C14orf93: variants seen among roughly 807,000 people sequenced by gnomAD.
The protein encoded by C14orf93 is chromosome 14 open reading frame 93, also known as uncharacterized protein C14orf93.
Under a neutral mutation model 44.0 loss-of-function variants are expected in C14orf93, and 23 were observed. The observed-to-expected ratio is 0.52, with a 90% CI of 0.38 to 0.74. The LOEUF (loss-of-function observed/expected upper bound fraction) is 0.74. Among genes scored for constraint, C14orf93 ranks in the 30% least tolerant of loss-of-function variants. C14orf93 has a pLI of 0.00. For synonymous variants in C14orf93, 253 were observed against 265.7 expected (o/e 0.95, Z 0.46); for missense variants, 579 against 678.9 (o/e 0.85, Z 1.64).
At chr14:22,999,811 G>C (rs955429082) in intron 1 of C14orf93, 1 of 152,186 alleles carries the variant, frequency 6.6e-6, no homozygotes, top group African/African-American at 2.4e-5. Flanking sequence ...CATCACTGCA[G>C]CCCTCAGCAT....
chr14:23,003,894 ATATATTTTTTTTTTT>A (rs2046473185), intron 1 of C14orf93, among the ~76,000 whole-genome samples: 3 of 12,140 alleles, frequency 2.5e-4, no homozygotes, highest in African/African-American at 5.1e-4. Context: ...ATATATATAT[ATATATTTTTTTTTTT>A]TTTTTTTTTT....
chr14:23,007,929 G>A (rs1419264492), intron 1 of C14orf93, among the ~76,000 whole-genome samples: 1 of 152,062 alleles, frequency 6.6e-6, no homozygotes, highest in Non-Finnish European at 1.5e-5. Flanking sequence ...GAGGCGGGCG[G>A]ATCACCTAAA....
At chr14:22,989,633 CA>C (rs1239843667) in intron 5 of C14orf93, 108 bp downstream of exon 5, 2 of 796,634 alleles carry the variant, frequency 2.5e-6, no homozygotes, top group Admixed American at 5.0e-5. Context: ...CCACTATTTT[CA>C]AAACCACCTA....
At position 22,995,863 on chromosome 14, in the gene C14orf93, T is replaced by A. The variant is rs1419309363; in HGVS notation, c.918+85A>T. 8 of 1,304,644 alleles carry A rather than the reference T, an allele frequency of 6.1e-6. No homozygotes were observed. The Admixed American group carries it at 1.9e-4, about 31-fold the overall frequency. 80.8% of individuals were successfully genotyped at this position (1,304,644 alleles called of 1,614,324 possible). A position where few individuals can be genotyped will look rare whatever the true frequency, so the allele number is the denominator to read the frequency against. ...GATTCAGTACAGCATTCATTCAATA[T>A]GGGAGGCCTAAAATCAACCCACCCA... On this transcript the variant is annotated intron_variant, in intron 3 of 6. Transcript: ENST00000299088.
Position 23,008,814 on chromosome 14 carries a change from A to C in C14orf93, c.-380+1287T>G, listed in dbSNP as rs189790547. ...TCTAAAAATGCAACATGATAACCAA[A>C]AGGCATTTCTTATCCCTTCTATTAT... On this transcript the variant is annotated intron_variant, in intron 1 of 6. Transcript: ENST00000299088. 1.7e-3 allele frequency among the ~76,000 whole-genome samples: 264 copies of C among 152,340 alleles called. 1 individual carries two copies. The highest frequency in any genetic ancestry group is 3.2e-3 in the Non-Finnish European group (220 of 68,036).
chr14:22,993,594 C>T (rs1315304751), intron 3 of C14orf93, among the ~76,000 whole-genome samples: 1 of 152,188 alleles, frequency 6.6e-6, no homozygotes, highest in East Asian at 1.9e-4. Flanking sequence ...AGTTACAAAG[C>T]TTCCAACTCA....
chr14:22,990,724 C>G (rs12436546), intron 3 of C14orf93, among the ~76,000 whole-genome samples: 21,940 of 152,016 alleles, frequency 0.14, 1,793 homozygotes, highest in Admixed American at 0.19. Context: ...CCGCCTTGAC[C>G]TTCCAAAGTG....
At chr14:23,005,047 C>G (rs896015674) in intron 1 of C14orf93, 2 of 151,906 alleles carry the variant, frequency 1.3e-5, no homozygotes, top group African/African-American at 4.8e-5. Context: ...TGAAATCATA[C>G]TGAGAAAGAG....
chr14:22,997,197 G>A (rs74770532), intron 2 of C14orf93, among the ~76,000 whole-genome samples: 1,679 of 152,274 alleles, frequency 0.011, 41 homozygotes, highest in African/African-American at 0.039. Flanking sequence ...CTGGAACCAC[G>A]GAGAGTCCTG....
chr14:23,009,525 G>A (rs1169562269), intron 1 of C14orf93, among the ~76,000 whole-genome samples: 1 of 152,172 alleles, frequency 6.6e-6, no homozygotes, highest in Non-Finnish European at 1.5e-5. Context: ...AAATGTGTGT[G>A]AAAGACACAC....
Position 22,995,981 on chromosome 14 carries a change from C to T in C14orf93, c.885G>A (p.Lys295=). ...SPCRTRGSGQ[K]NSRRKRDLVL... ...CAAGATCCCGCTTGCGCCTGGAGTT[C>T]TTCTGCCCACTTCCTCTGGTCCTGC... Residue 295 remains lysine (K), a synonymous_variant, in exon 3 of 7, where the codon AAG becomes AAA. Coordinates refer to ENST00000299088, the MANE Select transcript of C14orf93 (RefSeq NM_021944.4). 1 of 1,606,860 alleles carries T rather than the reference C, an allele frequency of 6.2e-7. No homozygotes were observed.
In C14orf93 at chr14:22,998,823, C is replaced by A. The variant is rs917355740; in HGVS notation, c.201G>T (p.Gln67His). ...SSEQLLHVIY[Q>H]RVDKAVGLAE... ...CCAAACCCACTGCCTTATCGACCCG[C>A]TGGTAGATAACATGCAGGAGCTGCT... The change falls in exon 2 of 7, where the codon CAG (glutamine) becomes CAT (histidine). Residue 67 changes from glutamine to histidine, a missense_variant. Gln to His is a conservative substitution (Grantham distance 24). Coordinates refer to ENST00000299088, the MANE Select transcript of C14orf93 (RefSeq NM_021944.4). The A allele has an allele frequency of 6.2e-7, 1 of 1,614,054 alleles. No individual in the cohort carries two copies. Among genetic ancestry groups the A allele is most frequent in the African/African-American group, 1.3e-5 (1 of 74,924 alleles).
intron 1 of C14orf93, among the ~76,000 whole-genome samples, chr14:23,003,377 T>A (rs747710613): frequency 3.3e-5 from 5 of 152,260 alleles, no homozygotes; most frequent in Non-Finnish European, 7.3e-5. Context: ...GATATTGGGA[T>A]CAGCAGGTAA....
At position 22,987,510 on chromosome 14, in the gene C14orf93, A is replaced by G. The variant is rs1299028266; in HGVS notation, c.1322T>C (p.Val441Ala). ...GGCCCGGAAACGGGGAGGGCGGGCC[A>G]CCCACACACCTGGCTCGTTAAGACT... The part of the protein sequence containing the change: ...EDSLNEPGVW[V>A]ARPPRFRAQR... Residue 441 changes from valine to alanine, a missense_variant, in exon 7 of 7, where the codon GTG becomes GCG. Transcript: ENST00000299088. The surrounding 1 kb of genome is among the most constrained non-coding windows in gnomAD (Gnocchi z 5.6). The G allele has an allele frequency of 6.2e-6, 10 of 1,614,088 alleles. No homozygotes were observed. The African/African-American group carries it at 1.3e-4, about 22-fold the overall frequency.
chr14:22,990,634 T>C (rs2045550391), intron 3 of C14orf93, among the ~76,000 whole-genome samples: 1 of 151,700 alleles, frequency 6.6e-6, no homozygotes, highest in Non-Finnish European at 1.5e-5. Context: ...CATGCCTGGC[T>C]AATTTTTGTA....
intron 3 of C14orf93, among the ~76,000 whole-genome samples, chr14:22,992,662 C>T (rs995606977): frequency 1.3e-5 from 2 of 151,816 alleles, no homozygotes. Flanking sequence ...ACTGCAACCT[C>T]TGCCTCCAGG....
chr14:22,989,057 T>G (rs2045425114), intron 5 of C14orf93, among the ~76,000 whole-genome samples: 1 of 152,192 alleles, frequency 6.6e-6, no homozygotes, highest in Non-Finnish European at 1.5e-5. Context: ...CTTGGCTCAA[T>G]GCAACCTCCA....
rs1425012291 is a variant in C14orf93, at chr14:22,988,414, C to T, written c.1085-399G>A. ...AGCTGGGATTACAGGCGTGAGCAGC[C>T]GTGCCTGGCCTAGATGCTGGGCTTT... is the stretch of plus-strand genomic sequence containing the variant. On this transcript the variant is annotated intron_variant, in intron 5 of 6. Coordinates refer to ENST00000299088, the MANE Select transcript of C14orf93 (RefSeq NM_021944.4). Among the ~76,000 whole-genome samples, 3 of 152,284 alleles carry T rather than the reference C, an allele frequency of 2.0e-5. No individual in the cohort carries two copies. In the South Asian group the frequency reaches 6.2e-4, roughly 32 times the overall value.
Position 22,987,865 on chromosome 14 carries a change from A to T in C14orf93, c.1197+38T>A, listed in dbSNP as rs1468846886. ...GCCCTTCCCACTTAGGAAAGGGTTT[A>T]GAGTTTAGTATCTTGAAAGAAAGGC... On this transcript the variant is annotated intron_variant, in intron 6 of 6. Transcript: ENST00000299088. The surrounding 1 kb of genome is among the most constrained non-coding windows in gnomAD (Gnocchi z 5.6). 1.3e-6 allele frequency: 2 copies of T among 1,522,298 alleles called. No individual in the cohort carries two copies. The highest frequency in any genetic ancestry group is 1.8e-6 in the Non-Finnish European group (2 of 1,098,698). The allele number at this position is 1,522,298 out of a possible 1,614,324, so 94.3% of individuals were successfully genotyped here. A position where few individuals can be genotyped will look rare whatever the true frequency, so the allele number is the denominator to read the frequency against.
Sources: allele counts gnomAD v4.1 joint callset (sites outside exome capture counted in the v4.1 genomes callset), GRCh38; gene constraint gnomAD v4.1.1; non-coding constraint Gnocchi (gnomAD v3.1); transcripts MANE v1.5; gene names NCBI Gene and HGNC (gene_info 2026-07-23, HGNC 2026-07-21).